The following SLC2A12 variants were observed in gnomAD, a reference collection of about 807,000 sequenced individuals.
SLC2A12 encodes the protein solute carrier family 2 member 12, also known as solute carrier family 2, facilitated glucose transporter member 12.
A neutral mutation model predicts 41.8 loss-of-function variants in SLC2A12; 23 were observed. The observed-to-expected ratio is 0.55, with a 90% CI of 0.40 to 0.78. The LOEUF is 0.78. SLC2A12 is among the 30% of genes least tolerant of loss of function. The pLI, the probability that SLC2A12 is intolerant of heterozygous loss-of-function variation, is 0.00. For missense variants in SLC2A12, 654 were observed against 745.6 expected (o/e 0.88, Z 1.43); for synonymous variants, 295 against 285.9 (o/e 1.03, Z -0.32).
chr6:134,006,986 T>C (rs2114433937), intron 2 of SLC2A12, 52 bp from the exon 3 acceptor site: 3 of 1,608,026 alleles, frequency 1.9e-6, no homozygotes, highest in Middle Eastern at 1.8e-4. Flanking sequence ...CAAAAACCCA[T>C]TGAATCTGAG....
At chr6:134,015,814 C>G (rs768363005) in intron 2 of SLC2A12, among the ~76,000 whole-genome samples, 1 of 152,162 alleles carries the variant, frequency 6.6e-6, no homozygotes, top group Non-Finnish European at 1.5e-5. Context: ...TAATCTTTAG[C>G]TGTGCAAATA....
At chr6:134,044,530 A>G (rs888589615) in intron 1 of SLC2A12, among the ~76,000 whole-genome samples, 1 of 152,122 alleles carries the variant, frequency 6.6e-6, no homozygotes, top group African/African-American at 2.4e-5. Flanking sequence ...CCTGGCCAAC[A>G]TGATGAAACC....
intron 4 of SLC2A12, among the ~76,000 whole-genome samples, chr6:133,994,775 G>A (rs1776666557): frequency 6.6e-6 from 1 of 152,116 alleles, no homozygotes; most frequent in Admixed American, 6.6e-5. Flanking sequence ...GCTGGTGAGG[G>A]TGATAGAGAA....
At chr6:134,047,934 G>A (rs1181957308) in intron 1 of SLC2A12, among the ~76,000 whole-genome samples, 1 of 152,210 alleles carries the variant, frequency 6.6e-6, no homozygotes, top group Admixed American at 6.5e-5. Flanking sequence ...GCGTGTGTCT[G>A]CTGCTGCTTC....
chr6:134,042,617 A>T (rs1230499397), intron 1 of SLC2A12, among the ~76,000 whole-genome samples: 1 of 151,582 alleles, frequency 6.6e-6, no homozygotes, highest in South Asian at 2.1e-4. Flanking sequence ...AAAGGGAGAG[A>T]CACCAAGAGC....
intron 2 of SLC2A12, among the ~76,000 whole-genome samples, chr6:134,010,285 T>C (rs1297263318): frequency 6.6e-6 from 1 of 152,174 alleles, no homozygotes; most frequent in East Asian, 1.9e-4. Flanking sequence ...GGGCTCCCTT[T>C]CACTACCACA....
chr6:134,013,286 TC>T lies in SLC2A12; in HGVS notation c.1445-6353del, dbSNP rs1424296329. On this transcript the variant is annotated intron_variant, in intron 2 of 4. Coordinates refer to ENST00000275230, the MANE Select transcript of SLC2A12 (RefSeq NM_145176.3). ...TGGGTGACAAGAGTGAAATTCTGTC[TC>T]AAACAATAATATTAATAATAATAAT... 3.3e-5 allele frequency among the ~76,000 whole-genome samples: 5 copies of T among 152,176 alleles called. No homozygotes were observed. The East Asian group carries it at 7.7e-4, about 24-fold the overall frequency.
rs574296253 is a variant in SLC2A12 at position 134,028,324 on chromosome 6, T to C, written c.1444+57A>G. On this transcript the variant is annotated intron_variant, in intron 2 of 4. Coordinates refer to ENST00000275230, the MANE Select transcript of SLC2A12 (RefSeq NM_145176.3). ...TAGCACTTATGTTCATGAGGTACTA[T>C]AGCAGTAGGATGCTCTGACTGGTCA... The C allele has an allele frequency of 6.5e-6, 10 of 1,531,690 alleles. No individual in the cohort carries two copies. The East Asian group carries it at 1.1e-4, about 17-fold the overall frequency. The allele number at this position is 1,531,690 out of a possible 1,614,324, so 94.9% of individuals were successfully genotyped here. A position where few individuals can be genotyped will look rare whatever the true frequency, so the allele number is the denominator to read the frequency against.
intron 3 of SLC2A12, 71 bp from the exon 4 acceptor site, chr6:134,002,200 T>G: frequency 6.7e-7 from 1 of 1,499,474 alleles, no homozygotes; most frequent in Non-Finnish European, 9.0e-7. Flanking sequence ...GAACAGCCAC[T>G]TAGGGCATAC....
At chr6:134,049,727 A>G (rs1582631462) in intron 1 of SLC2A12, among the ~76,000 whole-genome samples, 1 of 152,374 alleles carries the variant, frequency 6.6e-6, no homozygotes, top group East Asian at 1.9e-4. Flanking sequence ...ATTAGCTTCT[A>G]GTCATTGGAA....
chr6:133,998,950 G>A (rs933465970), intron 4 of SLC2A12, among the ~76,000 whole-genome samples: 3 of 152,206 alleles, frequency 2.0e-5, no homozygotes, highest in Admixed American at 2.0e-4. Flanking sequence ...TTATAAAATT[G>A]AACAGTGGAT....
chr6:134,029,716 C>A lies in SLC2A12; in HGVS notation c.109G>T (p.Gly37Cys). The A allele has an allele frequency of 6.3e-7, 1 of 1,593,936 alleles. No homozygotes were observed. ...ACAGATGACAGGAAGGTAAACATGC[C>A]GCAGCCTGCAAGCAGAGAGAAGAGA... ...SRHPPWARGC[G>C]MFTFLSSVTA... The change falls in exon 2 of 5, where the codon GGC becomes TGC. Residue 37 changes from glycine (G) to cysteine (C), a missense_variant. Physicochemically the swap from Gly to Cys is radical, Grantham distance 159 (BLOSUM62 -3). Around this residue, in one of 3 missense-constraint regions of SLC2A12, gnomAD observed 109 missense variants for 153.0 expected, o/e 0.71. Coordinates refer to ENST00000275230, the MANE Select transcript of SLC2A12 (RefSeq NM_145176.3).
At chr6:134,030,256 C>T (rs1319852395) in intron 1 of SLC2A12, among the ~76,000 whole-genome samples, 1 of 152,126 alleles carries the variant, frequency 6.6e-6, no homozygotes, top group African/African-American at 2.4e-5. Flanking sequence ...GGGCCACAGT[C>T]GTGCTGCAAA....
At chr6:134,026,647 G>C (rs1777116131) in intron 2 of SLC2A12, among the ~76,000 whole-genome samples, 1 of 152,174 alleles carries the variant, frequency 6.6e-6, no homozygotes, top group African/African-American at 2.4e-5. Context: ...GTCTTAAAAA[G>C]CAGGTTTAAG....
In SLC2A12 at chr6:134,046,163, T is replaced by C. The variant is rs1474883617; in HGVS notation, c.103+6215A>G. Among the ~76,000 whole-genome samples, 3 of 152,114 alleles carry C rather than the reference T, an allele frequency of 2.0e-5. No homozygotes were observed. The East Asian group carries it at 5.8e-4, about 29-fold the overall frequency. On this transcript the variant is annotated intron_variant, in intron 1 of 4. Transcript: ENST00000275230. ...TTACTCATAACTCCCAACTCTAACT[T>C]CCATAAAGTGTGGAAATGTGTGTGG... is the stretch of plus-strand genomic sequence containing the variant.
chr6:134,047,011 G>A (rs562760887), intron 1 of SLC2A12, among the ~76,000 whole-genome samples: 10 of 152,288 alleles, frequency 6.6e-5, no homozygotes, highest in African/African-American at 2.4e-4. Context: ...GGGATGTCAC[G>A]TTCAGTGACA....
At chr6:134,047,599 T>G (rs1777476951) in intron 1 of SLC2A12, among the ~76,000 whole-genome samples, 1 of 152,180 alleles carries the variant, frequency 6.6e-6, no homozygotes, top group Non-Finnish European at 1.5e-5. Context: ...TCTAGACCAC[T>G]AAAGACCACC....
rs1491439879 is a variant in SLC2A12, at chr6:134,006,191, AAC to A, written c.1567+619_1567+620del. Among the ~76,000 whole-genome samples, 140 of 135,708 alleles carry A rather than the reference AAC, an allele frequency of 1.0e-3. 7 individuals carry two copies. Among genetic ancestry groups the A allele is most frequent in the African/African-American group, 3.3e-3 (113 of 34,672 alleles). The allele number at this position is 135,708 out of a possible 152,430, so 89.0% of individuals were successfully genotyped here. On this transcript the variant is annotated intron_variant, in intron 3 of 4. Transcript: ENST00000275230. ...GAGACTATCGGAAAAAAAAAAAAAAAACAAAAAAAAAAACAGAGAAACAGAGA... is the reference window on the plus strand; with the variant it reads ...GAGACTATCGGAAAAAAAAAAAAAAAAAAAAAAAAAACAGAGAAACAGAGA...
chr6:134,033,218 G>T (rs1025365398), intron 1 of SLC2A12, among the ~76,000 whole-genome samples: 2 of 151,942 alleles, frequency 1.3e-5, no homozygotes, highest in African/African-American at 4.8e-5. Flanking sequence ...GTATAATGGG[G>T]CCAAAAAACT....
Sources: gnomAD v4.1 joint callset for allele counts (sites outside exome capture counted in the v4.1 genomes callset) on GRCh38, gnomAD v4.1.1 for gene constraint, gnomAD v4.1.1 regional missense constraint, MANE v1.5 for transcripts, NCBI Gene and HGNC (gene_info 2026-07-23, HGNC 2026-07-21) for gene names.